The following ABCC4 variants were observed in gnomAD, a reference collection of about 807,000 sequenced individuals.
ABCC4 encodes ATP-binding cassette sub-family C member 4.
In ABCC4, 102 loss-of-function variants were observed where a neutral mutation model predicts 168.5. The ratio of observed to expected loss-of-function variants is 0.61; its 90% CI spans 0.52 to 0.71. ABCC4 has a LOEUF of 0.71. ABCC4 is among the 30% of genes least tolerant of loss of function. ABCC4 has a pLI of 0.00. For missense variants in ABCC4, 1,402 were observed against 1,605.8 expected (o/e 0.87, Z 2.17); for synonymous variants, 617 against 590.7 (o/e 1.04, Z -0.65).
At chr13:95,233,195 C>T (rs1402172658) in intron 4 of ABCC4, among the ~76,000 whole-genome samples, 1 of 151,474 alleles carries the variant, frequency 6.6e-6, no homozygotes, top group Admixed American at 6.6e-5. Context: ...GTACACTTTA[C>T]AATGTACATT....
At chr13:95,270,546 T>C (rs1198179236) in intron 1 of ABCC4, among the ~76,000 whole-genome samples, 1 of 152,126 alleles carries the variant, frequency 6.6e-6, no homozygotes, top group Non-Finnish European at 1.5e-5. Flanking sequence ...GGTGAGACCC[T>C]GTGGCACAGA....
chr13:95,122,104 T>A (rs2035590618), intron 19 of ABCC4, among the ~76,000 whole-genome samples: 1 of 152,186 alleles, frequency 6.6e-6, no homozygotes, highest in Non-Finnish European at 1.5e-5. Context: ...TCCTTCAATA[T>A]CCTTTGCTTC....
At chr13:95,229,774 T>G (rs1343751204) in intron 4 of ABCC4, among the ~76,000 whole-genome samples, 1 of 152,182 alleles carries the variant, frequency 6.6e-6, no homozygotes, top group African/African-American at 2.4e-5. Context: ...TGGCCCTAAG[T>G]CAAGGTAGGC....
chr13:95,263,596 G>T (rs941478928), intron 1 of ABCC4, among the ~76,000 whole-genome samples: 1 of 152,180 alleles, frequency 6.6e-6, no homozygotes, highest in Non-Finnish European at 1.5e-5. Flanking sequence ...GCCAAGGTGG[G>T]TGAATCACCT....
intron 20 of ABCC4, among the ~76,000 whole-genome samples, chr13:95,110,983 A>G (rs1261125565): frequency 1.9e-5 from 2 of 103,784 alleles, no homozygotes; most frequent in Non-Finnish European, 4.3e-5. Context: ...AAAAAAAAGA[A>G]AGAAAAAAAA....
rs1594457089 is a variant in ABCC4 at position 95,293,749 on chromosome 13, G to A, written c.74+7492C>T. ...CAAAGTGCTGGGATTACAGGCATAA[G>A]CCACCGCACCCAGCCTGGACTACGT... On this transcript the variant is annotated intron_variant, in intron 1 of 30. Transcript: ENST00000645237. 2.7e-5 allele frequency among the ~76,000 whole-genome samples: 4 copies of A among 149,966 alleles called. No individual in the cohort carries two copies. In the Admixed American group the frequency reaches 2.7e-4, roughly 10 times the overall value.
At chr13:95,038,860 A>C (rs2032239901) in intron 29 of ABCC4, among the ~76,000 whole-genome samples, 1 of 152,154 alleles carries the variant, frequency 6.6e-6, no homozygotes, top group Non-Finnish European at 1.5e-5. Context: ...CCTGGAAAAC[A>C]GATATGGAAG....
chr13:95,081,908 G>A (rs961763109), intron 21 of ABCC4, among the ~76,000 whole-genome samples: 2 of 152,144 alleles, frequency 1.3e-5, no homozygotes, highest in African/African-American at 4.8e-5. Flanking sequence ...GCTGAGGCAT[G>A]AGAATCACTT....
chr13:95,185,823 C>T (rs10162199), intron 11 of ABCC4, among the ~76,000 whole-genome samples: 9,470 of 152,142 alleles, frequency 0.062, 462 homozygotes, highest in East Asian at 0.19. Context: ...CAATCAAACA[C>T]TTCATCTTTT....
intron 3 of ABCC4, among the ~76,000 whole-genome samples, chr13:95,244,652 A>G (rs906794855): frequency 0.014 from 986 of 69,066 alleles, 332 homozygotes; most frequent in Non-Finnish European, 0.024. Flanking sequence ...AAAGAAAGAA[A>G]GAAAGAAAGA....
chr13:95,070,902 C>T (rs575747350), intron 25 of ABCC4, among the ~76,000 whole-genome samples: 3 of 152,246 alleles, frequency 2.0e-5, no homozygotes, highest in Admixed American at 6.5e-5. Context: ...AGGAAAGGGC[C>T]TGATAATGTT....
At chr13:95,261,034 C>T (rs1490016023) in intron 1 of ABCC4, among the ~76,000 whole-genome samples, 1 of 151,914 alleles carries the variant, frequency 6.6e-6, no homozygotes, top group African/African-American at 2.4e-5. Context: ...CTCATTTACT[C>T]TAGGATCTCA....
intron 1 of ABCC4, among the ~76,000 whole-genome samples, chr13:95,252,915 A>G (rs1781936010): frequency 6.6e-6 from 1 of 152,230 alleles, no homozygotes; most frequent in African/African-American, 2.4e-5. Flanking sequence ...TGGAAGCCAC[A>G]AAATAGTAAA....
At chr13:95,059,142 C>A (rs1464223793) in intron 26 of ABCC4, among the ~76,000 whole-genome samples, 1 of 152,188 alleles carries the variant, frequency 6.6e-6, no homozygotes, top group African/African-American at 2.4e-5. Context: ...CGCCAGCCAA[C>A]ATGGGTTTAA....
At chr13:95,247,279 A>G (rs2040131809) in intron 2 of ABCC4, among the ~76,000 whole-genome samples, 184 bp from the exon 3 acceptor site, 1 of 152,168 alleles carries the variant, frequency 6.6e-6, no homozygotes, top group South Asian at 2.1e-4. Flanking sequence ...CATCAGAAAA[A>G]CAGGCCTTGA....
intron 16 of ABCC4, 150 bp downstream of exon 16, chr13:95,164,228 G>T: frequency 1.1e-6 from 1 of 895,584 alleles, no homozygotes; most frequent in East Asian, 2.6e-5. Context: ...TAACGGACAT[G>T]GAACACCAGT....
At chr13:95,279,396 G>A (rs2041056593) in intron 1 of ABCC4, among the ~76,000 whole-genome samples, 1 of 152,166 alleles carries the variant, frequency 6.6e-6, no homozygotes, top group Admixed American at 6.5e-5. Context: ...TTCTTCAGCT[G>A]GAGACAAAGA....
At chr13:95,176,223 CAGGGGGGGGGGGGGGGGG>C (rs2037686596) in intron 13 of ABCC4, among the ~76,000 whole-genome samples, 1 of 10,560 alleles carries the variant, frequency 9.5e-5, no homozygotes, top group South Asian at 5.6e-3. Flanking sequence ...AAGCCGAGGG[CAGGGGGGGGGGGGGGGGG>C]GGGGTGGATC....
At chr13:95,167,510 C>A (rs2037321846) in intron 14 of ABCC4, among the ~76,000 whole-genome samples, 1 of 152,092 alleles carries the variant, frequency 6.6e-6, no homozygotes, top group Non-Finnish European at 1.5e-5. Flanking sequence ...TCCTCCCCAC[C>A]CCCAAAAGGT....
Sources: gnomAD v4.1 joint callset for allele counts (sites outside exome capture counted in the v4.1 genomes callset) on GRCh38, gnomAD v4.1.1 for gene constraint, MANE v1.5 for transcripts, NCBI Gene and HGNC (gene_info 2026-07-23, HGNC 2026-07-21) for gene names.